The following VPS13B variants were observed in gnomAD, a reference collection of about 807,000 sequenced individuals.
VPS13B encodes the protein vacuolar protein sorting 13 homolog B, also known as intermembrane lipid transfer protein VPS13B.
A neutral mutation model predicts 426.4 loss-of-function variants in VPS13B; 285 were observed. The ratio of observed to expected loss-of-function variants is 0.67; its 90% CI spans 0.61 to 0.74. The LOEUF is 0.74. Ranked by LOEUF, VPS13B falls within the 30% of genes least tolerant of loss-of-function variation. The pLI is 0.00. For synonymous variants in VPS13B, 1,676 were observed against 1,676.4 expected, an observed-to-expected ratio of 1.00 and a Z score of 0.01; for missense variants, 4,537 against 4,782.6, an observed-to-expected ratio of 0.95 and a Z score of 1.51.
At chr8:99,090,489 C>G (rs1159926349) in intron 3 of VPS13B, among the ~76,000 whole-genome samples, 1 of 152,052 alleles carries the variant, frequency 6.6e-6, no homozygotes. Flanking sequence ...ACACTGGTCT[C>G]GAACTCCTAA....
At chr8:99,249,771 TG>T (rs1312324814) in intron 17 of VPS13B, among the ~76,000 whole-genome samples, 11 of 152,324 alleles carry the variant, frequency 7.2e-5, no homozygotes, top group Middle Eastern at 3.4e-3. Context: ...CCAGGCATGA[TG>T]GCTCATGCCT....
At chr8:99,822,164 TATC>T (rs1290569604) in intron 50 of VPS13B, among the ~76,000 whole-genome samples, 2 of 152,250 alleles carry the variant, frequency 1.3e-5, no homozygotes, top group Non-Finnish European at 2.9e-5. Flanking sequence ...GTACTTCTAA[TATC>T]ATCATTATTT....
At chr8:99,809,679 T>C (rs1813598684) in intron 44 of VPS13B, 149 bp downstream of exon 44, 10 of 945,348 alleles carry the variant, frequency 1.1e-5, no homozygotes, top group Non-Finnish European at 1.3e-5. Context: ...TAAATGCTTA[T>C]CTATGATCCT....
chr8:99,514,778 T>A (rs998243611), intron 29 of VPS13B, among the ~76,000 whole-genome samples: 7 of 152,216 alleles, frequency 4.6e-5, no homozygotes, highest in Non-Finnish European at 1.0e-4. Context: ...GGCCCTGTTT[T>A]CAGTTTTTTT....
At chr8:99,017,049 G>A (rs1228597803) in intron 2 of VPS13B, among the ~76,000 whole-genome samples, 1 of 152,098 alleles carries the variant, frequency 6.6e-6, no homozygotes, top group African/African-American at 2.4e-5. Flanking sequence ...TTCCCTTGTG[G>A]TTAGGGTTTT....
In VPS13B at chr8:99,578,575, T is replaced by C. The variant is rs867722086; in HGVS notation, c.5220+942T>C. Among the ~76,000 whole-genome samples the C allele has an allele frequency of 9.1e-4, 139 of 152,264 alleles. 2 individuals are homozygous for C. The highest frequency in any genetic ancestry group is 3.3e-3 in the African/African-American group (137 of 41,578). ...TGATATCTATTTATTCAATATCTAT[T>C]GTAAAAGGACTTTAGAACTACATAT... On this transcript the variant is annotated intron_variant, in intron 33 of 61. Transcript: ENST00000357162.
At chr8:99,678,007 C>A (rs1831010560) in intron 35 of VPS13B, among the ~76,000 whole-genome samples, 1 of 152,152 alleles carries the variant, frequency 6.6e-6, no homozygotes, top group Non-Finnish European at 1.5e-5. Context: ...TTTATGCCAA[C>A]AACTCCCAAA....
intron 40 of VPS13B, 124 bp from the exon 41 acceptor site, chr8:99,776,651 T>A: frequency 1.1e-6 from 1 of 924,112 alleles, no homozygotes; most frequent in Non-Finnish European, 1.7e-6. Context: ...ACAGAAGATT[T>A]GATAAAATAT....
chr8:99,233,096 G>T, intron 17 of VPS13B: 1 of 1,376,902 alleles, frequency 7.3e-7, no homozygotes, highest in Non-Finnish European at 1.0e-6. Context: ...TTCTACTCCT[G>T]CTGCTTCACC....
intron 14 of VPS13B, among the ~76,000 whole-genome samples, chr8:99,148,340 G>T (rs1432994137): frequency 6.7e-6 from 1 of 149,732 alleles, no homozygotes; most frequent in Non-Finnish European, 1.5e-5. Flanking sequence ...CTTCAGCCTG[G>T]GTGTCACAGT....
intron 21 of VPS13B, among the ~76,000 whole-genome samples, chr8:99,405,425 C>T (rs1245056219): frequency 3.3e-5 from 5 of 152,180 alleles, no homozygotes; most frequent in South Asian, 2.1e-4. Flanking sequence ...TTTGTCTGTT[C>T]GTATGCCACA....
chr8:99,507,007 A>G, intron 27 of VPS13B, 130 bp from the exon 28 acceptor site: 1 of 913,676 alleles, frequency 1.1e-6, no homozygotes, highest in South Asian at 1.4e-5. Flanking sequence ...TATTGATTGC[A>G]TTGTCAGATT....
At chr8:99,186,990 T>C (rs554614873) in intron 16 of VPS13B, among the ~76,000 whole-genome samples, 2 of 152,226 alleles carry the variant, frequency 1.3e-5, no homozygotes, top group Admixed American at 1.3e-4. Flanking sequence ...TATTATGAAA[T>C]AGTAAAGACC....
chr8:99,847,997 A>G (rs1042093471), intron 54 of VPS13B, among the ~76,000 whole-genome samples: 2 of 152,154 alleles, frequency 1.3e-5, no homozygotes, highest in African/African-American at 4.8e-5. Flanking sequence ...TCCCAAGCAT[A>G]AGGAGGTTTT....
At chr8:99,119,783 T>A (rs1196687717) in intron 7 of VPS13B, among the ~76,000 whole-genome samples, 1 of 152,190 alleles carries the variant, frequency 6.6e-6, no homozygotes, top group Non-Finnish European at 1.5e-5. Flanking sequence ...GGATGTTATT[T>A]AAAGATTTAA....
intron 17 of VPS13B, among the ~76,000 whole-genome samples, chr8:99,193,405 G>C (rs113857767): frequency 2.6e-5 from 4 of 152,084 alleles, no homozygotes; most frequent in African/African-American, 9.7e-5. Context: ...CTGGTAAAAT[G>C]AAATAAATTC....
At chr8:99,300,858 A>G (rs1245553857) in intron 19 of VPS13B, among the ~76,000 whole-genome samples, 2 of 151,878 alleles carry the variant, frequency 1.3e-5, no homozygotes, top group Non-Finnish European at 2.9e-5. Context: ...GTTATTGGGA[A>G]AAAATCAGAT....
intron 19 of VPS13B, among the ~76,000 whole-genome samples, chr8:99,286,445 A>G (rs1281433726): frequency 6.6e-6 from 1 of 152,204 alleles, no homozygotes; most frequent in Non-Finnish European, 1.5e-5. Context: ...GGAGAATTTA[A>G]AAAACAGAGG....
intron 43 of VPS13B, among the ~76,000 whole-genome samples, chr8:99,788,469 C>T (rs966849837): frequency 6.9e-6 from 1 of 144,952 alleles, no homozygotes; most frequent in African/African-American, 2.5e-5. Flanking sequence ...ATTCATTAAA[C>T]AGAGTGACAC....
Sources: allele counts gnomAD v4.1 joint callset (sites outside exome capture counted in the v4.1 genomes callset), GRCh38; gene constraint gnomAD v4.1.1; transcripts MANE v1.5; gene names NCBI Gene and HGNC (gene_info 2026-07-23, HGNC 2026-07-21).